Variants in TLCD4 observed in about 807,000 individuals in gnomAD.
TLCD4 encodes the protein TLC domain-containing protein 4.
A neutral mutation model predicts 24.2 loss-of-function variants in TLCD4; 7 were observed. The ratio of observed to expected loss-of-function variants is 0.29; its 90% CI spans 0.16 to 0.54. The LOEUF is 0.54. Ranked by LOEUF, TLCD4 falls within the 20% of genes least tolerant of loss-of-function variation. The pLI, the probability that TLCD4 is intolerant of heterozygous loss-of-function variation, is 0.95. For missense variants in TLCD4, 259 were observed against 313.9 expected, an observed-to-expected ratio of 0.82 and a Z score of 1.32; for synonymous variants, 103 against 106.4, an observed-to-expected ratio of 0.97 and a Z score of 0.20.
At chr1:95,099,053 C>CAAAAAAAAAAAAAAAAAA in the TLCD4 span, among the ~76,000 whole-genome samples, 12 of 70,654 alleles carry the variant, frequency 1.7e-4, no homozygotes, top group Non-Finnish European at 2.3e-4. Flanking sequence ...AACTCTGTCT[C>CAAAAAAAAAAAAAAAAAA]AAAAAAAAAA....
chr1:95,181,660 G>A (rs184866331), intron 6 of TLCD4, among the ~76,000 whole-genome samples: 2 of 151,632 alleles, frequency 1.3e-5, no homozygotes, highest in African/African-American at 2.4e-5. Context: ...GCCGTGGTGC[G>A]ATCTTGGCTC....
chr1:95,106,991 T>A, the TLCD4 span, among the ~76,000 whole-genome samples: 3 of 152,184 alleles, frequency 2.0e-5, no homozygotes, highest in Admixed American at 2.0e-4. Context: ...ATACACATGA[T>A]TCATATGTAT....
At chr1:95,162,968 CA>C (rs1319217424) in intron 5 of TLCD4, among the ~76,000 whole-genome samples, 1 of 152,126 alleles carries the variant, frequency 6.6e-6, no homozygotes, top group Non-Finnish European at 1.5e-5. Flanking sequence ...GTGAATCTGA[CA>C]ATTATGTGTC....
intron 5 of TLCD4, among the ~76,000 whole-genome samples, chr1:95,160,507 C>T (rs1394586465): frequency 6.4e-4 from 98 of 152,270 alleles, no homozygotes; most frequent in Non-Finnish European, 5.3e-4. Context: ...TTTCTTTCTC[C>T]TGCCTGATTG....
At chr1:95,183,215 G>A (rs1335182685) in intron 6 of TLCD4, among the ~76,000 whole-genome samples, 1 of 152,186 alleles carries the variant, frequency 6.6e-6, no homozygotes, top group African/African-American at 2.4e-5. Context: ...ATATTAAGCT[G>A]TGGGACTAGA....
rs553181417 is a variant in TLCD4 at position 95,191,646 on chromosome 1, C to T, written c.570C>T (p.Ala190=). The change falls in exon 7 of 7, where the codon GCC becomes GCT. Residue 190 remains alanine, a synonymous_variant. Transcript: ENST00000370203. Reference sequence around the variant, plus strand: ...TAGTATTCTTCATCGTGCGGATTGCCTCAATGCTTCCTCATTATGGCTTCA... The same window carrying T: ...TAGTATTCTTCATCGTGCGGATTGCTTCAATGCTTCCTCATTATGGCTTCA... ...MTVVFFIVRI[A]SMLPHYGFMY... is the part of the protein sequence containing the mutation. 6.2e-7 allele frequency: 1 copy of T among 1,614,132 alleles called. No individual in the cohort carries two copies. The highest frequency in any genetic ancestry group is 1.7e-5 in the Admixed American group (1 of 60,016).
intron 6 of TLCD4, among the ~76,000 whole-genome samples, chr1:95,190,904 A>T (rs1378134132): frequency 6.6e-6 from 1 of 152,014 alleles, no homozygotes; most frequent in African/African-American, 2.4e-5. Context: ...GTATATTTTA[A>T]ATATTTTTTC....
chr1:95,185,447 G>A (rs2101016398), intron 6 of TLCD4, among the ~76,000 whole-genome samples: 1 of 152,314 alleles, frequency 6.6e-6, no homozygotes, highest in East Asian at 1.9e-4. Flanking sequence ...CGAACAACAT[G>A]GGTTTGAACT....
At chr1:95,115,105 T>TATATATATATAA (rs1557673704), upstream of TLCD4, among the ~76,000 whole-genome samples, 4 of 143,816 alleles carry the variant, frequency 2.8e-5, no homozygotes, top group African/African-American at 7.5e-5. Context: ...TATATATATA[T>TATATATATATAA]AATATATATG....
intron 1 of TLCD4, among the ~76,000 whole-genome samples, chr1:95,124,162 C>A (rs1676648926): frequency 6.6e-6 from 1 of 151,906 alleles, no homozygotes; most frequent in South Asian, 2.1e-4. Flanking sequence ...GGATTTTTTA[C>A]AAAGATGCAT....
At chr1:95,128,553 G>A (rs1676804201) in intron 1 of TLCD4, among the ~76,000 whole-genome samples, 1 of 152,188 alleles carries the variant, frequency 6.6e-6, no homozygotes, top group Non-Finnish European at 1.5e-5. Context: ...TGGGAGAAAT[G>A]ATTTCTTGGA....
intron 5 of TLCD4, among the ~76,000 whole-genome samples, chr1:95,158,853 G>A (rs1677705233): frequency 6.6e-6 from 1 of 151,890 alleles, no homozygotes; most frequent in Non-Finnish European, 1.5e-5. Flanking sequence ...CTTTTTTATG[G>A]TGCATAGTAT....
chr1:95,119,355 G>A (rs896351517), intron 1 of TLCD4, among the ~76,000 whole-genome samples: 1 of 152,210 alleles, frequency 6.6e-6, no homozygotes, highest in Non-Finnish European at 1.5e-5. Context: ...GCCAAGGGAA[G>A]TCTTATGAGC....
intron 1 of TLCD4, among the ~76,000 whole-genome samples, chr1:95,119,991 A>T (rs12067935): frequency 0.065 from 9,841 of 152,232 alleles, 490 homozygotes; most frequent in East Asian, 0.2. Context: ...GGTGAGAATT[A>T]TGGGCATTTG....
At chr1:95,188,800 C>T (rs981974705) in intron 6 of TLCD4, among the ~76,000 whole-genome samples, 7 of 152,100 alleles carry the variant, frequency 4.6e-5, no homozygotes, top group African/African-American at 1.4e-4. Flanking sequence ...TGTGTATTCT[C>T]TGTTCCCAGC....
the TLCD4 span, among the ~76,000 whole-genome samples, chr1:95,108,682 T>C: frequency 6.6e-6 from 1 of 152,228 alleles, no homozygotes; most frequent in Non-Finnish European, 1.5e-5. Context: ...ATTTGGAATA[T>C]TTACTAGCAT....
chr1:95,131,952 A>G (rs1676902317), intron 1 of TLCD4, among the ~76,000 whole-genome samples: 1 of 152,144 alleles, frequency 6.6e-6, no homozygotes, highest in African/African-American at 2.4e-5. Flanking sequence ...CATTCTGGCA[A>G]GAGTGGATTA....
chr1:95,098,476 T>C, the TLCD4 span, among the ~76,000 whole-genome samples: 1 of 152,310 alleles, frequency 6.6e-6, no homozygotes, highest in African/African-American at 2.4e-5. Context: ...ACATTTGTGG[T>C]TCCTGGGGAC....
intron 5 of TLCD4, 62 bp downstream of exon 5, chr1:95,151,481 G>C (rs1677489045): frequency 1.5e-5 from 23 of 1,559,158 alleles, no homozygotes; most frequent in Admixed American, 1.9e-5. Flanking sequence ...TGATGTAAAG[G>C]TGAACATAAA....
Sources: gnomAD v4.1 joint callset for allele counts (sites outside exome capture counted in the v4.1 genomes callset) on GRCh38, gnomAD v4.1.1 for gene constraint, MANE v1.5 for transcripts, NCBI Gene and HGNC (gene_info 2026-07-23, HGNC 2026-07-21) for gene names.